Variants in TUBB8B observed in about 807,000 individuals in gnomAD.
TUBB8B encodes the protein HSA18p11 beta-tubulin 4Q pseudogene.
A neutral mutation model predicts 31.9 loss-of-function variants in TUBB8B; 26 were observed. That is an observed-to-expected ratio of 0.81 (90% CI 0.60 to 1.13). The LOEUF (loss-of-function observed/expected upper bound fraction) is 1.13, where lower values mean the gene tolerates loss of function less well. TUBB8B is among the 50% of genes most tolerant of loss of function. The pLI, the probability that TUBB8B is intolerant of heterozygous loss-of-function variation, is 0.00. For missense variants in TUBB8B, 467 were observed against 586.7 expected (o/e 0.80, Z 2.11); for synonymous variants, 173 against 231.0 (o/e 0.75, Z 2.28).
At chr18:49,987 G>C, upstream of TUBB8B, 1 of 442,266 alleles carries the variant, frequency 2.3e-6, no homozygotes, top group Admixed American at 2.5e-5. Flanking sequence ...TAGGAGATCT[G>C]TGGTTAGGAA....
At position 47,827 on chromosome 18, in the gene TUBB8B, T is replaced by A. The variant is rs770728290; in HGVS notation, c.898A>T (p.Met300Leu). 6.2e-7 allele frequency: 1 copy of A among 1,611,454 alleles called. No individual in the cohort carries two copies. The highest frequency in any genetic ancestry group is 8.5e-7 in the Non-Finnish European group (1 of 1,179,542). ...TQQMFDAKNMMAACDPRHGCY... is the reference protein window; with the variant it reads ...TQQMFDAKNMLAACDPRHGCY... ...CCGTGACGGGGGTCACAGGCAGCCA[T>A]CATGTTCTTAGCATCAAACATCTGC... Residue 300 changes from methionine (M) to leucine (L), a missense_variant, in exon 4 of 4, where the codon ATG becomes TTG. By Grantham distance (15) the Met-to-Leu change is conservative. Around this residue, in one of 2 missense-constraint regions of TUBB8B, gnomAD observed 208 missense variants for 206.7 expected, o/e 1.01. Coordinates refer to ENST00000308911, the MANE Select transcript of TUBB8B (RefSeq NM_001358689.2).
chr18:62,055 C>T, the TUBB8B span, among the ~76,000 whole-genome samples: 11 of 151,754 alleles, frequency 7.2e-5, no homozygotes, highest in East Asian at 5.8e-4. Flanking sequence ...TTTTGTTTGT[C>T]GGAAAAAGTT....
At chr18:52,309 G>A (rs1033121881), upstream of TUBB8B, among the ~76,000 whole-genome samples, 12 of 151,458 alleles carry the variant, frequency 7.9e-5, no homozygotes, top group African/African-American at 1.5e-4. Flanking sequence ...TGGGCAGAAA[G>A]GCAACAATAT....
At chr18:52,590 A>T (rs1350859698), upstream of TUBB8B, among the ~76,000 whole-genome samples, 1 of 147,798 alleles carries the variant, frequency 6.8e-6, no homozygotes, top group Admixed American at 6.8e-5. Context: ...TCTAAAAGAC[A>T]GCCCACTTGC....
the TUBB8B span, among the ~76,000 whole-genome samples, chr18:55,684 A>C: frequency 6.6e-6 from 1 of 151,786 alleles, no homozygotes; most frequent in Non-Finnish European, 1.5e-5. Flanking sequence ...ATTACAATTC[A>C]ATATGAGATT....
At chr18:64,766 G>A in the TUBB8B span, among the ~76,000 whole-genome samples, 5 of 152,034 alleles carry the variant, frequency 3.3e-5, no homozygotes, top group Admixed American at 2.0e-4. Flanking sequence ...GGCTACAGGC[G>A]CTCTCTTGTT....
rs764020920 is a variant in TUBB8B at position 47,622 on chromosome 18, A to T, written c.1103T>A (p.Ile368Asn). The change falls in exon 4 of 4, where the codon ATT becomes AAT. Residue 368 changes from isoleucine to asparagine, a missense_variant. Around this residue, in one of 2 missense-constraint regions of TUBB8B, gnomAD observed 208 missense variants for 206.7 expected, o/e 1.01. Coordinates refer to ENST00000308911, the MANE Select transcript of TUBB8B (RefSeq NM_001358689.2). ...TTCCTGGATGGCCGCATTATTCCCA[A>T]TGAAGGTGGCTGACATTTTTAGCCC... ...PRGLKMSATF[I>N]GNNAAIQELF... 1.0e-4 allele frequency: 162 copies of T among 1,612,528 alleles called. No individual in the cohort carries two copies. In the South Asian group the frequency reaches 1.7e-3, roughly 17 times the overall value.
At chr18:63,665 C>A in the TUBB8B span, among the ~76,000 whole-genome samples, 1 of 149,164 alleles carries the variant, frequency 6.7e-6, no homozygotes, top group East Asian at 1.9e-4. Flanking sequence ...TAGCCCTAGC[C>A]TTAGCCCTAA....
the TUBB8B span, among the ~76,000 whole-genome samples, chr18:57,104 A>G: frequency 6.6e-6 from 1 of 151,790 alleles, no homozygotes; most frequent in Non-Finnish European, 1.5e-5. Context: ...TTTTGGTGGG[A>G]ACACACACCT....
At chr18:68,882 C>T in the TUBB8B span, among the ~76,000 whole-genome samples, 40 of 152,224 alleles carry the variant, frequency 2.6e-4, no homozygotes, top group Middle Eastern at 3.4e-3. Context: ...CTGGGTGTCT[C>T]GAGTATTTAA....
the TUBB8B span, among the ~76,000 whole-genome samples, chr18:66,995 T>TG: frequency 5.4e-4 from 76 of 140,404 alleles, no homozygotes; most frequent in Non-Finnish European, 8.6e-4. Context: ...TTGTTTTTTT[T>TG]GTTTTTTTTT....
chr18:63,581 C>T, the TUBB8B span, among the ~76,000 whole-genome samples: 130 of 151,148 alleles, frequency 8.6e-4, no homozygotes, highest in African/African-American at 3.0e-3. Flanking sequence ...CCCACTGTAA[C>T]GACAACTTGG....
At chr18:55,102 T>C in the TUBB8B span, among the ~76,000 whole-genome samples, 1 of 151,926 alleles carries the variant, frequency 6.6e-6, no homozygotes, top group African/African-American at 2.4e-5. Context: ...GACTGGGTTA[T>C]TTATCTATTT....
chr18:57,373 TA>T, the TUBB8B span, among the ~76,000 whole-genome samples: 1,176 of 151,396 alleles, frequency 7.8e-3, 21 homozygotes, highest in African/African-American at 0.027. Context: ...ATAAATCAGC[TA>T]AAAAAAAGAG....
At chr18:64,045 C>T in the TUBB8B span, among the ~76,000 whole-genome samples, 1 of 148,996 alleles carries the variant, frequency 6.7e-6, no homozygotes, top group Non-Finnish European at 1.5e-5. Flanking sequence ...TAACCCTTAA[C>T]CCTAAAACCC....
At chr18:72,508 G>A in the TUBB8B span, among the ~76,000 whole-genome samples, 3 of 152,112 alleles carry the variant, frequency 2.0e-5, no homozygotes, top group African/African-American at 4.8e-5. Context: ...TCCATTAGAC[G>A]CACACAATGG....
At chr18:66,810 C>A in the TUBB8B span, among the ~76,000 whole-genome samples, 3 of 151,980 alleles carry the variant, frequency 2.0e-5, no homozygotes, top group Admixed American at 6.6e-5. Context: ...GCCAAAAGGA[C>A]GTGGGGATTG....
At chr18:71,621 T>C in the TUBB8B span, among the ~76,000 whole-genome samples, 1 of 140,234 alleles carries the variant, frequency 7.1e-6, no homozygotes, top group African/African-American at 2.7e-5. Context: ...GGTTCAGGCC[T>C]GCCTGCAATC....
the TUBB8B span, among the ~76,000 whole-genome samples, chr18:63,440 A>T: frequency 6.6e-6 from 1 of 151,652 alleles, no homozygotes; most frequent in Non-Finnish European, 1.5e-5. Flanking sequence ...CTCTGAAACC[A>T]GCAGTCTCTC....
Sources: allele counts gnomAD v4.1 joint callset (sites outside exome capture counted in the v4.1 genomes callset), GRCh38; gene constraint gnomAD v4.1.1; regional missense constraint gnomAD v4.1.1; transcripts MANE v1.5; gene names NCBI Gene and HGNC (gene_info 2026-07-23, HGNC 2026-07-21).